The following GLIS3 variants were observed in gnomAD, a reference collection of about 807,000 sequenced individuals.
The protein encoded by GLIS3 is zinc finger protein GLIS3.
In GLIS3, 53 loss-of-function variants were observed where a neutral mutation model predicts 78.6. That is an observed-to-expected ratio of 0.67 (90% CI 0.54 to 0.85). GLIS3 has a LOEUF of 0.85. GLIS3 is among the 40% of genes least tolerant of loss of function. The pLI is 0.00. For synonymous variants in GLIS3, 684 were observed against 509.9 expected (o/e 1.34, Z -4.60); for missense variants, 1,703 against 1,231.1 (o/e 1.38, Z -5.74).
intron 2 of GLIS3, among the ~76,000 whole-genome samples, chr9:4,218,609 T>A (rs760963296): frequency 2.1e-4 from 32 of 152,198 alleles, no homozygotes; most frequent in Non-Finnish European, 2.6e-4. Context: ...AGATGTTCTA[T>A]ATGTTACTGT....
chr9:3,951,597 G>T (rs1816682924), intron 4 of GLIS3, among the ~76,000 whole-genome samples: 1 of 151,398 alleles, frequency 6.6e-6, no homozygotes, highest in Non-Finnish European at 1.5e-5. Flanking sequence ...ATATTTATAA[G>T]AAAAAATAAA....
chr9:4,115,301 C>T (rs998678047), intron 4 of GLIS3, among the ~76,000 whole-genome samples: 1 of 152,120 alleles, frequency 6.6e-6, no homozygotes, highest in Non-Finnish European at 1.5e-5. Flanking sequence ...CCTAGCCCTG[C>T]AGTGTATGAC....
At chr9:4,014,545 T>C (rs1822285466) in intron 4 of GLIS3, among the ~76,000 whole-genome samples, 1 of 152,098 alleles carries the variant, frequency 6.6e-6, no homozygotes, top group African/African-American at 2.4e-5. Flanking sequence ...GTGATGTAGC[T>C]ACAAGCCAAG....
the GLIS3 span, among the ~76,000 whole-genome samples, chr9:4,455,541 A>C: frequency 6.6e-6 from 1 of 152,154 alleles, no homozygotes; most frequent in African/African-American, 2.4e-5. Context: ...GGATCATATA[A>C]TTTGTTTGAG....
the GLIS3 span, among the ~76,000 whole-genome samples, chr9:4,449,312 C>T: frequency 1.3e-5 from 2 of 152,160 alleles, no homozygotes; most frequent in Admixed American, 6.5e-5. Flanking sequence ...AAGAAAGTGG[C>T]CAGGGAAGCT....
At chr9:3,880,446 G>A (rs571940413) in intron 7 of GLIS3, among the ~76,000 whole-genome samples, 13 of 152,180 alleles carry the variant, frequency 8.5e-5, no homozygotes, top group East Asian at 3.9e-4. Flanking sequence ...GACCTACTCC[G>A]TAGACATCTC....
At chr9:4,455,958 C>CA in the GLIS3 span, among the ~76,000 whole-genome samples, 5 of 151,798 alleles carry the variant, frequency 3.3e-5, no homozygotes, top group East Asian at 5.8e-4. Flanking sequence ...ATTAAAAATA[C>CA]AAAAAATTAG....
intron 4 of GLIS3, among the ~76,000 whole-genome samples, chr9:4,107,894 C>A (rs1830893466): frequency 6.6e-6 from 1 of 152,096 alleles, no homozygotes; most frequent in Non-Finnish European, 1.5e-5. Context: ...AATCTTCACA[C>A]AGTGCAAATA....
chr9:4,130,490 T>C (rs1832894471), intron 2 of GLIS3, among the ~76,000 whole-genome samples: 1 of 152,236 alleles, frequency 6.6e-6, no homozygotes, highest in Non-Finnish European at 1.5e-5. Flanking sequence ...CACTGCTCCC[T>C]GCATCCCAGC....
chr9:4,347,788 T>A (rs1049782246), intron 1 of GLIS3, among the ~76,000 whole-genome samples: 6 of 152,184 alleles, frequency 3.9e-5, no homozygotes, highest in Non-Finnish European at 8.8e-5. Context: ...TTAATTCAGA[T>A]GAAAATCTTA....
At chr9:4,349,312 GATT>G (rs778954487), upstream of GLIS3, among the ~76,000 whole-genome samples, 2 of 152,112 alleles carry the variant, frequency 1.3e-5, no homozygotes, top group Non-Finnish European at 2.9e-5. Context: ...TCTCCAAGTA[GATT>G]ATATGACCCA....
chr9:4,236,937 G>A (rs1310109495), intron 2 of GLIS3, among the ~76,000 whole-genome samples: 1 of 151,914 alleles, frequency 6.6e-6, no homozygotes, highest in Non-Finnish European at 1.5e-5. Flanking sequence ...ACCAGGATGG[G>A]CTCAGCATCG....
intron 2 of GLIS3, among the ~76,000 whole-genome samples, chr9:4,265,941 C>G (rs1440098673): frequency 9.8e-6 from 1 of 102,318 alleles, no homozygotes; most frequent in African/African-American, 4.1e-5. Context: ...TGTTTGGAGA[C>G]GGAGTCTCAC....
At chr9:4,162,226 A>C (rs1174158349) in intron 2 of GLIS3, among the ~76,000 whole-genome samples, 4 of 152,064 alleles carry the variant, frequency 2.6e-5, no homozygotes, top group Non-Finnish European at 4.4e-5. Flanking sequence ...TTCTTTTTTT[A>C]AGAACATCAA....
the GLIS3 span, among the ~76,000 whole-genome samples, chr9:4,398,137 C>T: frequency 6.6e-6 from 1 of 152,108 alleles, no homozygotes; most frequent in East Asian, 1.9e-4. Context: ...CACCTCAATC[C>T]CAAGTGATTT....
chr9:3,954,895 G>A (rs894978954), intron 4 of GLIS3, among the ~76,000 whole-genome samples: 5 of 152,148 alleles, frequency 3.3e-5, no homozygotes, highest in South Asian at 2.1e-4. Flanking sequence ...TGCCTTTGAC[G>A]ATCTGGAATT....
chr9:4,401,748 T>C, the GLIS3 span, among the ~76,000 whole-genome samples: 3 of 149,972 alleles, frequency 2.0e-5, no homozygotes, highest in African/African-American at 7.5e-5. Context: ...CATGCTACCA[T>C]GCCCAGCTAA....
At chr9:4,065,169 CA>C (rs1316991271) in intron 4 of GLIS3, among the ~76,000 whole-genome samples, 2 of 152,088 alleles carry the variant, frequency 1.3e-5, no homozygotes, top group Admixed American at 1.3e-4. Flanking sequence ...GTGGAGTTTA[CA>C]AACCAGCCCT....
chr9:3,854,920 A>T (rs972416078), intron 9 of GLIS3, among the ~76,000 whole-genome samples: 5 of 152,110 alleles, frequency 3.3e-5, no homozygotes, highest in East Asian at 1.9e-4. Context: ...TTCACACTCA[A>T]TTTGCATATT....
Sources: gnomAD v4.1 joint callset for allele counts (sites outside exome capture counted in the v4.1 genomes callset) on GRCh38, gnomAD v4.1.1 for gene constraint, MANE v1.5 for transcripts, NCBI Gene and HGNC (gene_info 2026-07-23, HGNC 2026-07-21) for gene names.